Variants in NRG3 observed in about 807,000 individuals in gnomAD.
The protein encoded by NRG3 is pro-neuregulin-3, membrane-bound isoform.
A neutral mutation model predicts 66.9 loss-of-function variants in NRG3; 31 were observed. The ratio of observed to expected loss-of-function variants is 0.46; its 90% CI spans 0.35 to 0.63. The LOEUF is 0.63. Ranked by LOEUF, NRG3 falls within the 20% of genes least tolerant of loss-of-function variation. NRG3 has a pLI of 0.00. For synonymous variants in NRG3, 393 were observed against 359.4 expected, an observed-to-expected ratio of 1.09 and a Z score of -1.06; for missense variants, 910 against 878.9, an observed-to-expected ratio of 1.04 and a Z score of -0.45.
intron 1 of NRG3, among the ~76,000 whole-genome samples, chr10:82,148,085 A>G (rs1251782868): frequency 1.3e-5 from 2 of 152,232 alleles, no homozygotes; most frequent in African/African-American, 4.8e-5. Context: ...GTTCTAAGAC[A>G]TATACAGTGC....
intron 2 of NRG3, among the ~76,000 whole-genome samples, chr10:82,435,816 C>A (rs1436527442): frequency 7.7e-6 from 1 of 130,214 alleles, no homozygotes; most frequent in Admixed American, 8.6e-5. Context: ...GAGTCTCACT[C>A]TGTCACCCAG....
At chr10:82,602,475 A>C (rs2047696425) in intron 2 of NRG3, among the ~76,000 whole-genome samples, 1 of 151,952 alleles carries the variant, frequency 6.6e-6, no homozygotes, top group African/African-American at 2.4e-5. Flanking sequence ...ATATTTATTA[A>C]ATTATTATAT....
At chr10:82,082,405 T>G (rs1280849073) in intron 1 of NRG3, among the ~76,000 whole-genome samples, 1 of 152,130 alleles carries the variant, frequency 6.6e-6, no homozygotes, top group Non-Finnish European at 1.5e-5. Flanking sequence ...TCCACTGAGG[T>G]GTAGTCAATT....
At chr10:81,891,323 T>C (rs1286339053) in intron 1 of NRG3, among the ~76,000 whole-genome samples, 1 of 152,228 alleles carries the variant, frequency 6.6e-6, no homozygotes, top group Non-Finnish European at 1.5e-5. Flanking sequence ...GCTCTATTCC[T>C]GACCATGTAC....
chr10:82,673,228 G>C (rs1372367619), intron 2 of NRG3, among the ~76,000 whole-genome samples: 1 of 152,204 alleles, frequency 6.6e-6, no homozygotes, highest in African/African-American at 2.4e-5. Context: ...GCTGGGACAG[G>C]CTTTAGCCTC....
At chr10:82,019,738 G>A in intron 1 of NRG3, among the ~76,000 whole-genome samples, 1 of 152,112 alleles carries the variant, frequency 6.6e-6, no homozygotes, top group East Asian at 1.9e-4. Flanking sequence ...GGTGTTTATA[G>A]TATTCTCTGA....
intron 2 of NRG3, among the ~76,000 whole-genome samples, chr10:82,572,692 G>T (rs2045812255): frequency 6.6e-6 from 1 of 151,094 alleles, no homozygotes. Flanking sequence ...CAGAAATTCT[G>T]GTAAAAGTAA....
chr10:82,738,452 C>CA, intron 2 of NRG3, 125 bp from the exon 3 acceptor site: 1 of 769,112 alleles, frequency 1.3e-6, no homozygotes, highest in South Asian at 1.6e-5. Context: ...CAGACTGAAT[C>CA]AAAAAATATG....
chr10:82,163,145 GA>G (rs1167966963), intron 1 of NRG3, among the ~76,000 whole-genome samples: 2 of 151,932 alleles, frequency 1.3e-5, no homozygotes, highest in Non-Finnish European at 2.9e-5. Context: ...TTAACCTATG[GA>G]GTCTTCCAAA....
chr10:82,098,148 A>G (rs530989131), intron 1 of NRG3, among the ~76,000 whole-genome samples: 1 of 151,358 alleles, frequency 6.6e-6, no homozygotes, highest in Non-Finnish European at 1.5e-5. Context: ...TCATATATAG[A>G]TGTCATGTAT....
At chr10:82,318,466 C>T (rs2081403946) in intron 1 of NRG3, among the ~76,000 whole-genome samples, 2 of 152,128 alleles carry the variant, frequency 1.3e-5, no homozygotes, top group Admixed American at 6.5e-5. Context: ...AGTCACATCC[C>T]GTGATCCTTA....
chr10:82,730,088 C>CTT (rs531254299), intron 2 of NRG3, among the ~76,000 whole-genome samples: 38 of 132,794 alleles, frequency 2.9e-4, no homozygotes, highest in African/African-American at 4.1e-4. Flanking sequence ...TTTTTTTTTC[C>CTT]TTTTTTTTTT....
At chr10:82,041,787 T>C (rs2063050895) in intron 1 of NRG3, among the ~76,000 whole-genome samples, 1 of 145,064 alleles carries the variant, frequency 6.9e-6, no homozygotes, top group Middle Eastern at 3.4e-3. Flanking sequence ...CTTTTTGCCA[T>C]ATGAAAGAAG....
intron 1 of NRG3, among the ~76,000 whole-genome samples, chr10:81,993,039 G>A (rs1323458032): frequency 6.6e-6 from 1 of 152,092 alleles, no homozygotes; most frequent in East Asian, 1.9e-4. Flanking sequence ...AATAGTTTGG[G>A]AAATGTCATG....
chr10:82,711,292 G>A (rs920220094), intron 2 of NRG3, among the ~76,000 whole-genome samples: 1 of 151,838 alleles, frequency 6.6e-6, no homozygotes, highest in Non-Finnish European at 1.5e-5. Context: ...CTGCCATGTT[G>A]CCCAGGCTGG....
chr10:82,433,520 T>G (rs1249754394), intron 2 of NRG3, among the ~76,000 whole-genome samples: 2 of 152,198 alleles, frequency 1.3e-5, no homozygotes, highest in East Asian at 3.9e-4. Flanking sequence ...TTTGGCATTT[T>G]TGTCATGTCA....
intron 1 of NRG3, among the ~76,000 whole-genome samples, chr10:82,221,670 A>G (rs1300427682): frequency 6.6e-6 from 1 of 152,222 alleles, no homozygotes; most frequent in African/African-American, 2.4e-5. Flanking sequence ...GGGACAGAAG[A>G]AAAAGAGAAA....
chr10:82,427,243 G>A (rs2089509793), intron 2 of NRG3, among the ~76,000 whole-genome samples: 2 of 152,086 alleles, frequency 1.3e-5, no homozygotes, highest in Admixed American at 6.6e-5. Flanking sequence ...AGCAAGAACA[G>A]GTATGTTGTC....
chr10:82,199,678 G>A (rs940447410), intron 1 of NRG3, among the ~76,000 whole-genome samples: 3 of 152,010 alleles, frequency 2.0e-5, no homozygotes, highest in Admixed American at 2.0e-4. Flanking sequence ...TTTGTTACTT[G>A]GTAGGTTAGC....
Sources: gnomAD v4.1 joint callset for allele counts (sites outside exome capture counted in the v4.1 genomes callset) on GRCh38, gnomAD v4.1.1 for gene constraint, MANE v1.5 for transcripts, NCBI Gene and HGNC (gene_info 2026-07-23, HGNC 2026-07-21) for gene names.